Variants in RNGTT observed in about 807,000 individuals in gnomAD.
RNGTT encodes RNA guanylyltransferase and 5'-phosphatase, also known as mRNA-capping enzyme.
Under a neutral mutation model 79.3 loss-of-function variants are expected in RNGTT, and 33 were observed. The ratio of observed to expected loss-of-function variants is 0.42; its 90% CI spans 0.32 to 0.56. The LOEUF is 0.56. RNGTT is among the 20% of genes least tolerant of loss of function. RNGTT has a pLI of 0.17. For missense variants in RNGTT, 497 were observed against 739.1 expected, an observed-to-expected ratio of 0.67 and a Z score of 3.80; for synonymous variants, 222 against 235.9, an observed-to-expected ratio of 0.94 and a Z score of 0.54.
intron 13 of RNGTT, among the ~76,000 whole-genome samples, chr6:88,766,446 C>A (rs2127839949): frequency 1.3e-5 from 2 of 152,052 alleles, no homozygotes; most frequent in South Asian, 4.1e-4. Flanking sequence ...ACAAATAGCT[C>A]TCAGATGAAA....
intron 12 of RNGTT, among the ~76,000 whole-genome samples, chr6:88,791,806 T>A (rs1273801735): frequency 2.0e-5 from 3 of 152,218 alleles, no homozygotes; most frequent in South Asian, 2.1e-4. Flanking sequence ...CCCAAAGTGC[T>A]GCGATTACAG....
At chr6:88,938,595 T>C (rs1562059842) in intron 2 of RNGTT, among the ~76,000 whole-genome samples, 2 of 152,214 alleles carry the variant, frequency 1.3e-5, no homozygotes, top group Non-Finnish European at 2.9e-5. Flanking sequence ...GTTTTGTATA[T>C]TCTTTGTCCT....
intron 14 of RNGTT, among the ~76,000 whole-genome samples, chr6:88,658,625 G>A (rs577841195): frequency 2.0e-5 from 3 of 152,350 alleles, no homozygotes; most frequent in South Asian, 4.1e-4. Flanking sequence ...ATCTGTGAAG[G>A]TGTTGCCAAA....
At chr6:88,795,839 A>AG (rs1201167491) in intron 12 of RNGTT, among the ~76,000 whole-genome samples, 1 of 152,206 alleles carries the variant, frequency 6.6e-6, no homozygotes, top group Non-Finnish European at 1.5e-5. Flanking sequence ...GAAGGAGTGT[A>AG]GGAGCCTGCC....
chr6:88,855,280 C>G (rs1399597745), intron 8 of RNGTT, among the ~76,000 whole-genome samples: 1 of 152,052 alleles, frequency 6.6e-6, no homozygotes, highest in East Asian at 1.9e-4. Flanking sequence ...TATATGGAAG[C>G]TAATATAATA....
intron 13 of RNGTT, among the ~76,000 whole-genome samples, chr6:88,712,485 T>C (rs1158547403): frequency 3.9e-5 from 6 of 152,162 alleles, no homozygotes; most frequent in Admixed American, 3.9e-4. Context: ...TTCTGGTTAC[T>C]TTTTGTAGAG....
chr6:88,689,268 C>A (rs1216729430), intron 13 of RNGTT, among the ~76,000 whole-genome samples: 1 of 151,752 alleles, frequency 6.6e-6, no homozygotes, highest in Non-Finnish European at 1.5e-5. Flanking sequence ...ATAGTGAGAA[C>A]TTGTCTCTAT....
intron 4 of RNGTT, among the ~76,000 whole-genome samples, chr6:88,925,982 A>C (rs1784306833): frequency 6.6e-6 from 1 of 152,222 alleles, no homozygotes; most frequent in Non-Finnish European, 1.5e-5. Context: ...AGTATCTTCA[A>C]GTGGTTCTGA....
chr6:88,953,485 C>T (rs1191517418), intron 1 of RNGTT, among the ~76,000 whole-genome samples: 1 of 152,046 alleles, frequency 6.6e-6, no homozygotes, highest in Non-Finnish European at 1.5e-5. Context: ...GTTAAACAGC[C>T]AACCCTAAGA....
At chr6:88,749,617 G>C (rs191756702) in intron 13 of RNGTT, among the ~76,000 whole-genome samples, 1 of 152,198 alleles carries the variant, frequency 6.6e-6, no homozygotes, top group Admixed American at 6.5e-5. Flanking sequence ...CTCCATTTAT[G>C]AAGACTGTCA....
At chr6:88,810,176 A>G (rs1416487239) in intron 11 of RNGTT, among the ~76,000 whole-genome samples, 1 of 152,242 alleles carries the variant, frequency 6.6e-6, no homozygotes, top group African/African-American at 2.4e-5. Context: ...ATAATCTCAG[A>G]TATAAAAAAT....
chr6:88,782,149 G>A (rs1193251077), intron 12 of RNGTT, among the ~76,000 whole-genome samples: 1 of 151,988 alleles, frequency 6.6e-6, no homozygotes, highest in African/African-American at 2.4e-5. Flanking sequence ...AACATCGACT[G>A]AGTTTTTCAC....
At chr6:88,826,795 A>T (rs1780670138) in intron 11 of RNGTT, among the ~76,000 whole-genome samples, 1 of 119,588 alleles carries the variant, frequency 8.4e-6, no homozygotes, top group African/African-American at 3.9e-5. Context: ...AAAGAAAAAA[A>T]AAAAATATAT....
chr6:88,728,909 CGCACGTTAAACAAAA>C (rs1777011624), intron 13 of RNGTT, among the ~76,000 whole-genome samples: 1 of 152,152 alleles, frequency 6.6e-6, no homozygotes. Context: ...ATATTCCCTC[CGCACGTTAAACAAAA>C]GCAATTGTTA....
At chr6:88,896,020 C>G (rs142425454) in intron 6 of RNGTT, among the ~76,000 whole-genome samples, 303 of 152,280 alleles carry the variant, frequency 2.0e-3, no homozygotes, top group African/African-American at 7.0e-3. Context: ...AGCTAGCTCT[C>G]CCTAGACAGA....
intron 14 of RNGTT, among the ~76,000 whole-genome samples, chr6:88,628,782 G>A (rs1277246065): frequency 6.6e-6 from 1 of 151,912 alleles, no homozygotes; most frequent in Non-Finnish European, 1.5e-5. Flanking sequence ...ACTACCTCTT[G>A]GTACTAACTG....
intron 14 of RNGTT, among the ~76,000 whole-genome samples, chr6:88,667,232 C>T (rs564037360): frequency 2.6e-5 from 4 of 152,126 alleles, no homozygotes; most frequent in African/African-American, 7.2e-5. Flanking sequence ...AGAAGGGGGG[C>T]AAGTGATAAA....
intron 13 of RNGTT, among the ~76,000 whole-genome samples, chr6:88,699,986 TG>T (rs536442647): frequency 7.2e-4 from 110 of 152,250 alleles, no homozygotes; most frequent in African/African-American, 2.4e-3. Context: ...GTTCTGGAAA[TG>T]GAAAGTGAAA....
At chr6:88,875,994 A>G (rs1236938096) in intron 8 of RNGTT, among the ~76,000 whole-genome samples, 1 of 152,208 alleles carries the variant, frequency 6.6e-6, no homozygotes, top group Non-Finnish European at 1.5e-5. Flanking sequence ...AACCTCTAGC[A>G]AGGTATATCA....
Sources: gnomAD v4.1 joint callset for allele counts (sites outside exome capture counted in the v4.1 genomes callset) on GRCh38, gnomAD v4.1.1 for gene constraint, MANE v1.5 for transcripts, NCBI Gene and HGNC (gene_info 2026-07-23, HGNC 2026-07-21) for gene names.